NEGR1: variants seen among roughly 807,000 people sequenced by gnomAD.
NEGR1 encodes the protein IgLON family member 4.
NEGR1 carries 10 observed loss-of-function variants against 40.9 expected under a neutral mutation model. The observed-to-expected ratio is 0.24, with a 90% CI of 0.15 to 0.42. The LOEUF (loss-of-function observed/expected upper bound fraction) is 0.42, where lower values mean the gene tolerates loss of function less well. Among genes scored for constraint, NEGR1 ranks in the 10% least tolerant of loss-of-function variants. The pLI, the probability that NEGR1 is intolerant of heterozygous loss-of-function variation, is 1.00. For synonymous variants in NEGR1, 185 were observed against 166.8 expected (o/e 1.11, Z -0.84); for missense variants, 352 against 438.9 (o/e 0.80, Z 1.77).
intron 1 of NEGR1, among the ~76,000 whole-genome samples, chr1:72,047,609 TC>T (rs1647014198): frequency 6.6e-6 from 1 of 151,470 alleles, no homozygotes; most frequent in South Asian, 2.1e-4. Context: ...AAAATAGATT[TC>T]AGAGTTTTTT....
rs145248934 is a variant in NEGR1 at position 71,638,389 on chromosome 1, A to G, written c.668-27243T>C. 4.9e-4 allele frequency among the ~76,000 whole-genome samples: 74 copies of G among 152,140 alleles called. No homozygotes were observed. In the East Asian group the frequency reaches 0.01, roughly 21 times the overall value. ...CATAAGCCTGTTTATTATTGGTAAA[A>G]TGAGAATGAATTCTTCCTTGTAGAG... is the stretch of plus-strand genomic sequence containing the variant. On this transcript the variant is annotated intron_variant, in intron 4 of 6. Transcript: ENST00000357731.
intron 1 of NEGR1, among the ~76,000 whole-genome samples, chr1:72,166,509 C>A (rs928834998): frequency 1.3e-4 from 20 of 152,032 alleles, no homozygotes; most frequent in African/African-American, 4.1e-4. Flanking sequence ...TTCACAATAG[C>A]CAAGATATGG....
In NEGR1 at chr1:71,396,930, G is replaced by T. The variant is rs1646216152; in HGVS notation, c.*10516C>A. On this transcript the variant is annotated 3_prime_UTR_variant, in exon 7 of 7. Coordinates refer to ENST00000357731, the MANE Select transcript of NEGR1 (RefSeq NM_173808.3). ...ATCAGGAGTGGAGTGCTGCTGAAAA[G>T]ATACCTGAAAATGTGGAAGTGACTT... The T allele has an allele frequency of 6.5e-6, 1 of 154,382 alleles. No individual in the cohort carries two copies. Among genetic ancestry groups the T allele is most frequent in the Non-Finnish European group, 1.4e-5 (1 of 69,858 alleles). The allele number at this position is 154,382 out of a possible 1,614,324, so 9.6% of individuals were successfully genotyped here. A position where few individuals can be genotyped will look rare whatever the true frequency, so the allele number is the denominator to read the frequency against.
At chr1:71,646,335 C>A (rs933351498) in intron 4 of NEGR1, among the ~76,000 whole-genome samples, 6 of 151,664 alleles carry the variant, frequency 4.0e-5, no homozygotes, top group Non-Finnish European at 7.4e-5. Context: ...TAGAAGGCCA[C>A]CTGAACTGGT....
At chr1:71,418,961 C>CCTT (rs1363942289) in intron 6 of NEGR1, among the ~76,000 whole-genome samples, 1 of 152,064 alleles carries the variant, frequency 6.6e-6, no homozygotes, top group Non-Finnish European at 1.5e-5. Context: ...TTGTATTTTG[C>CCTT]CTTACATCTT....
rs1175869965 is a variant in NEGR1, at chr1:71,826,209, A to C, written c.410-49912T>G. Among the ~76,000 whole-genome samples, 5 of 152,006 alleles carry C rather than the reference A, an allele frequency of 3.3e-5. No individual in the cohort carries two copies. In the South Asian group the frequency reaches 1.0e-3, roughly 32 times the overall value. On this transcript the variant is annotated intron_variant, in intron 2 of 6. Transcript: ENST00000357731. ...CGTTCCCTGTATACATTGAATGAAC[A>C]TATGCAATCAAGTGTGTTCTCTGTC... is the stretch of plus-strand genomic sequence containing the variant.
At chr1:72,070,944 T>C (rs1647436922) in intron 1 of NEGR1, among the ~76,000 whole-genome samples, 1 of 152,064 alleles carries the variant, frequency 6.6e-6, no homozygotes, top group South Asian at 2.1e-4. Flanking sequence ...AACATGTCCA[T>C]CCTTGAAACT....
chr1:72,082,719 A>C (rs529219751), intron 1 of NEGR1, among the ~76,000 whole-genome samples: 72 of 152,132 alleles, frequency 4.7e-4, no homozygotes, highest in Non-Finnish European at 6.0e-4. Flanking sequence ...AAAAACAAAA[A>C]AAAAAAAACT....
intron 6 of NEGR1, among the ~76,000 whole-genome samples, chr1:71,563,570 C>T (rs1253955462): frequency 6.6e-6 from 1 of 151,760 alleles, no homozygotes; most frequent in Non-Finnish European, 1.5e-5. Flanking sequence ...GTTGCTAGGC[C>T]CTTTGCTATC....
chr1:72,241,544 C>A (rs904571280), intron 1 of NEGR1, among the ~76,000 whole-genome samples: 16 of 151,464 alleles, frequency 1.1e-4, no homozygotes, highest in African/African-American at 3.6e-4. Context: ...AAGTATGCAA[C>A]AGAGTCCACA....
intron 6 of NEGR1, among the ~76,000 whole-genome samples, chr1:71,467,089 A>G (rs1315469694): frequency 6.6e-6 from 1 of 152,094 alleles, no homozygotes; most frequent in Non-Finnish European, 1.5e-5. Context: ...AAACATATTC[A>G]CATACATTAT....
intron 6 of NEGR1, among the ~76,000 whole-genome samples, chr1:71,524,203 A>T (rs1340187873): frequency 6.6e-6 from 1 of 151,550 alleles, no homozygotes; most frequent in African/African-American, 2.4e-5. Flanking sequence ...TTGTTTCAAG[A>T]TTTACTTGCA....
intron 1 of NEGR1, among the ~76,000 whole-genome samples, chr1:72,091,076 A>T (rs1338986225): frequency 6.6e-6 from 1 of 152,118 alleles, no homozygotes; most frequent in African/African-American, 2.4e-5. Flanking sequence ...CCACTCCTCC[A>T]AAATTGCAAA....
chr1:71,630,587 G>A (rs1650941553), intron 4 of NEGR1, among the ~76,000 whole-genome samples: 1 of 151,746 alleles, frequency 6.6e-6, no homozygotes, highest in Non-Finnish European at 1.5e-5. Flanking sequence ...TCTTCCTGAA[G>A]TAATCCAACA....
chr1:71,489,112 G>A (rs139140058), intron 6 of NEGR1, among the ~76,000 whole-genome samples: 59 of 151,492 alleles, frequency 3.9e-4, no homozygotes, highest in African/African-American at 1.4e-3. Context: ...CTTGGTGGAC[G>A]GATTAAAGAT....
chr1:72,174,515 GTAAACATTGATCCTT>G (rs1371211107), intron 1 of NEGR1, among the ~76,000 whole-genome samples: 2 of 152,084 alleles, frequency 1.3e-5, no homozygotes, highest in Admixed American at 6.5e-5. Context: ...CCAACTCTGA[GTAAACATTGATCCTT>G]TTACTGTCTC....
chr1:71,595,197 G>A (rs1327876678), intron 5 of NEGR1, among the ~76,000 whole-genome samples: 7 of 152,190 alleles, frequency 4.6e-5, no homozygotes, highest in South Asian at 4.1e-4. Context: ...CAGCAGTACC[G>A]TGTGCATCCT....
chr1:71,899,533 C>G (rs905559274), intron 2 of NEGR1, among the ~76,000 whole-genome samples: 1 of 152,100 alleles, frequency 6.6e-6, no homozygotes, highest in Non-Finnish European at 1.5e-5. Flanking sequence ...CTAAGAAATT[C>G]AAATCCTTGA....
intron 2 of NEGR1, among the ~76,000 whole-genome samples, chr1:71,838,118 T>C (rs1395374397): frequency 6.6e-6 from 1 of 152,122 alleles, no homozygotes; most frequent in Non-Finnish European, 1.5e-5. Flanking sequence ...CATGCAAACA[T>C]AGTACATAAT....
Sources: allele counts gnomAD v4.1 joint callset (sites outside exome capture counted in the v4.1 genomes callset), GRCh38; gene constraint gnomAD v4.1.1; transcripts MANE v1.5; gene names NCBI Gene and HGNC (gene_info 2026-07-23, HGNC 2026-07-21).